Variants in TCF12 observed in about 807,000 individuals in gnomAD.
TCF12 encodes transcription factor 12.
In TCF12, 45 loss-of-function variants were observed where a neutral mutation model predicts 86.0. The ratio of observed to expected loss-of-function variants is 0.52; its 90% confidence interval spans 0.41 to 0.67. The LOEUF (loss-of-function observed/expected upper bound fraction) is 0.67, where lower values mean the gene tolerates loss of function less well. TCF12 is among the 30% of genes least tolerant of loss of function. The pLI is 0.00. For synonymous variants in TCF12, 330 were observed against 299.6 expected (o/e 1.10, Z -1.05); for missense variants, 881 against 859.9 (o/e 1.02, Z -0.31).
intron 13 of TCF12, chr15:57,248,167 C>G: frequency 1.4e-6 from 1 of 696,632 alleles, no homozygotes; most frequent in East Asian, 2.7e-5. Context: ...ACAGATTTCC[C>G]CTTACGTCTT....
intron 4 of TCF12, among the ~76,000 whole-genome samples, chr15:57,091,044 T>C (rs1409488137): frequency 2.0e-5 from 3 of 152,242 alleles, no homozygotes; most frequent in African/African-American, 7.2e-5. Flanking sequence ...TAATAACAGC[T>C]ACTGTGAAAA....
At chr15:56,992,549 G>C (rs891723587) in intron 3 of TCF12, among the ~76,000 whole-genome samples, 8 of 152,126 alleles carry the variant, frequency 5.3e-5, no homozygotes, top group Admixed American at 3.3e-4. Flanking sequence ...ACCTGTAAAT[G>C]GATCACAGAC....
chr15:57,085,314 A>G (rs571219406), intron 4 of TCF12, among the ~76,000 whole-genome samples: 2 of 152,354 alleles, frequency 1.3e-5, no homozygotes, highest in South Asian at 2.1e-4. Context: ...AAATTTTATT[A>G]TATGTTAGTA....
intron 3 of TCF12, among the ~76,000 whole-genome samples, chr15:57,038,812 G>A (rs1335068402): frequency 1.3e-5 from 2 of 152,200 alleles, no homozygotes; most frequent in African/African-American, 4.8e-5. Flanking sequence ...CTTGTTCCAA[G>A]TATATTGTAG....
At chr15:57,131,978 C>G (rs2052160181) in intron 5 of TCF12, among the ~76,000 whole-genome samples, 1 of 152,034 alleles carries the variant, frequency 6.6e-6, no homozygotes, top group Non-Finnish European at 1.5e-5. Context: ...TGTCAGCTTT[C>G]TCTTTGTGGA....
At chr15:57,163,513 C>A (rs1374495822) in intron 5 of TCF12, among the ~76,000 whole-genome samples, 5 of 151,782 alleles carry the variant, frequency 3.3e-5, no homozygotes, top group Admixed American at 1.3e-4. Flanking sequence ...CAGCCTAGGC[C>A]ATACTATGAG....
At chr15:57,025,038 C>G (rs1165962970) in intron 3 of TCF12, among the ~76,000 whole-genome samples, 2 of 151,840 alleles carry the variant, frequency 1.3e-5, no homozygotes, top group African/African-American at 4.8e-5. Context: ...CACCTAAATT[C>G]AAATCTAGTC....
At chr15:56,943,574 G>A (rs2060873483) in intron 3 of TCF12, among the ~76,000 whole-genome samples, 1 of 152,136 alleles carries the variant, frequency 6.6e-6, no homozygotes. Flanking sequence ...CATTCTTGCA[G>A]AAAAGGAAAC....
At chr15:57,235,181 A>C (rs2059328635) in intron 12 of TCF12, among the ~76,000 whole-genome samples, 1 of 152,224 alleles carries the variant, frequency 6.6e-6, no homozygotes, top group Non-Finnish European at 1.5e-5. Context: ...GTCTTGGATC[A>C]TATAATAATA....
chr15:57,147,343 A>G lies in TCF12; in HGVS notation c.326-19059A>G, dbSNP rs1055176842. On this transcript the variant is annotated intron_variant, in intron 5 of 20. Transcript: ENST00000333725. ...TATCTAACCCTTTAGAGCTATCTTT[A>G]TATTTATTTCCTTAGTTGTAAGATA... Among the ~76,000 whole-genome samples, 5 of 152,164 alleles carry G rather than the reference A, an allele frequency of 3.3e-5. No homozygotes were observed. The South Asian group carries it at 6.2e-4, about 19-fold the overall frequency.
At chr15:57,187,815 A>C (rs2056761878) in intron 6 of TCF12, among the ~76,000 whole-genome samples, 1 of 152,110 alleles carries the variant, frequency 6.6e-6, no homozygotes, top group Non-Finnish European at 1.5e-5. Context: ...CTTTAATCCC[A>C]GGTACTCAGG....
intron 1 of TCF12, 170 bp downstream of exon 1, chr15:56,919,076 G>A (rs2059634208): frequency 6.6e-6 from 1 of 151,830 alleles, no homozygotes; most frequent in South Asian, 2.1e-4. Context: ...GCGGAGTGGG[G>A]GCGGAGGCTC....
intron 5 of TCF12, among the ~76,000 whole-genome samples, chr15:57,098,767 A>G (rs1349706889): frequency 6.6e-6 from 1 of 152,210 alleles, no homozygotes; most frequent in African/African-American, 2.4e-5. Flanking sequence ...GGGTGAAACA[A>G]AAAGTGGTGT....
intron 19 of TCF12, among the ~76,000 whole-genome samples, chr15:57,275,390 T>TGTGTGTG (rs1555417779): frequency 7.3e-6 from 1 of 136,902 alleles, no homozygotes. Flanking sequence ...TCTCACTGTG[T>TGTGTGTG]TGCCCAGGCT....
intron 3 of TCF12, among the ~76,000 whole-genome samples, chr15:56,975,923 C>T (rs1304450206): frequency 6.6e-6 from 1 of 151,302 alleles, no homozygotes; most frequent in Non-Finnish European, 1.5e-5. Flanking sequence ...TCAAACACTA[C>T]TGGGCTTTTG....
chr15:57,198,636 GT>G (rs1354095896), intron 8 of TCF12, among the ~76,000 whole-genome samples: 3 of 151,724 alleles, frequency 2.0e-5, no homozygotes, highest in Admixed American at 6.6e-5. Flanking sequence ...AAAAACGGAA[GT>G]TTTTTTTTCT....
intron 15 of TCF12, 54 bp from the exon 16 acceptor site, chr15:57,253,208 T>C: frequency 6.3e-7 from 1 of 1,593,130 alleles, no homozygotes; most frequent in Non-Finnish European, 8.6e-7. Flanking sequence ...TAGCAGTTAA[T>C]GAATCTAACA....
At chr15:56,947,577 TCA>T (rs2061065501) in intron 3 of TCF12, among the ~76,000 whole-genome samples, 1 of 152,186 alleles carries the variant, frequency 6.6e-6, no homozygotes, top group South Asian at 2.1e-4. Context: ...TTCTCAGGGA[TCA>T]CAGTCTTGTA....
rs2059197022 is a variant in TCF12, at chr15:57,232,749, A to G, written c.863A>G (p.Asn288Ser). ...PPHSVSPTDI[N>S]TSLPPMSSFH... Reference sequence around the variant, plus strand: ...CACTCAGTTTCACCAACAGACATAAACACGAGTCTTCCACCAATGTCCAGC... The same window carrying G: ...CACTCAGTTTCACCAACAGACATAAGCACGAGTCTTCCACCAATGTCCAGC... The change falls in exon 11 of 21, where the codon AAC becomes AGC. Residue 288 changes from asparagine to serine, a missense_variant. This residue lies in a region of TCF12 where 766 missense variants were observed against 718.9 expected (regional missense o/e 1.07). Coordinates refer to ENST00000333725, the MANE Select transcript of TCF12 (RefSeq NM_207037.2). The G allele has an allele frequency of 6.2e-7, 1 of 1,611,826 alleles. No homozygotes were observed. The highest frequency in any genetic ancestry group is 8.5e-7 in the Non-Finnish European group (1 of 1,178,998).
Sources: gnomAD v4.1 joint callset for allele counts (sites outside exome capture counted in the v4.1 genomes callset) on GRCh38, gnomAD v4.1.1 for gene constraint, gnomAD v4.1.1 regional missense constraint, MANE v1.5 for transcripts, NCBI Gene and HGNC (gene_info 2026-07-23, HGNC 2026-07-21) for gene names.